Variants in PKNOX2 observed in about 807,000 individuals in gnomAD.
The protein encoded by PKNOX2 is PBX/knotted 1 homeobox 2, also known as homeobox protein PKNOX2.
In PKNOX2, 14 loss-of-function variants were observed where a neutral mutation model predicts 53.1. The ratio of observed to expected loss-of-function variants is 0.26; its 90% confidence interval spans 0.17 to 0.41. PKNOX2 has a LOEUF of 0.41. PKNOX2 is among the 10% of genes least tolerant of loss of function. The probability of loss-of-function intolerance (pLI) is 1.00; values close to 1 mark genes in which losing one functional copy is unlikely to be tolerated. For missense variants in PKNOX2, 496 were observed against 602.8 expected (o/e 0.82, Z 1.85); for synonymous variants, 257 against 242.8 (o/e 1.06, Z -0.54).
At chr11:125,210,660 G>T (rs969065794) in intron 1 of PKNOX2, among the ~76,000 whole-genome samples, 1 of 152,028 alleles carries the variant, frequency 6.6e-6, no homozygotes, top group African/African-American at 2.4e-5. Flanking sequence ...GGGACTGAGG[G>T]GTTTCCTGGA....
intron 10 of PKNOX2, among the ~76,000 whole-genome samples, chr11:125,415,234 C>CTTTTTTT (rs35920181): frequency 3.9e-5 from 3 of 77,586 alleles, no homozygotes; most frequent in African/African-American, 4.6e-5. Context: ...TAAAGTTTAG[C>CTTTTTTT]TTTTTTTTTT....
At chr11:125,381,593 C>G (rs554976884) in intron 5 of PKNOX2, among the ~76,000 whole-genome samples, 1 of 152,008 alleles carries the variant, frequency 6.6e-6, no homozygotes, top group African/African-American at 2.4e-5. Context: ...GAAGACAGAC[C>G]CTGGCTGTGG....
chr11:125,299,426 A>G (rs993120070), intron 2 of PKNOX2, among the ~76,000 whole-genome samples: 1 of 151,426 alleles, frequency 6.6e-6, no homozygotes, highest in Non-Finnish European at 1.5e-5. Context: ...AGCCAGCTAC[A>G]TGAGCCTCTC....
intron 7 of PKNOX2, among the ~76,000 whole-genome samples, chr11:125,401,554 C>G (rs78355082): frequency 6.6e-6 from 1 of 152,158 alleles, no homozygotes; most frequent in Non-Finnish European, 1.5e-5. Flanking sequence ...GGCCATCCCT[C>G]GGCCCACTTG....
In PKNOX2 at chr11:125,303,767, T is replaced by C. The variant is rs1250910757; in HGVS notation, c.-129-28052T>C. On this transcript the variant is annotated intron_variant, in intron 2 of 12. Coordinates refer to ENST00000298282, the MANE Select transcript of PKNOX2 (RefSeq NM_001382323.2). ...GAGGGACAGGCACTAGAAAGTGACA[T>C]AAAAAAAGAGGGCACTCCCCCTTAC... Among the ~76,000 whole-genome samples the C allele has an allele frequency of 2.0e-5, 3 of 151,800 alleles. No homozygotes were observed. The East Asian group carries it at 5.8e-4, about 29-fold the overall frequency.
intron 1 of PKNOX2, among the ~76,000 whole-genome samples, chr11:125,199,955 T>G (rs556406983): frequency 2.0e-5 from 3 of 152,260 alleles, no homozygotes; most frequent in African/African-American, 7.2e-5. Context: ...GAATGAACCC[T>G]GGTCTTGCAG....
rs1357394261 is a variant in PKNOX2, at chr11:125,314,751, G to A, written c.-129-17068G>A. Among the ~76,000 whole-genome samples the A allele has an allele frequency of 4.6e-5, 7 of 152,102 alleles. No homozygotes were observed. In the South Asian group the frequency reaches 6.2e-4, roughly 14 times the overall value. On this transcript the variant is annotated intron_variant, in intron 2 of 12. Transcript: ENST00000298282. ...CCCTGCCCTGCCCTGCCCTGCCCCC[G>A]AGAGGACAAAAAACCTGGCAGAGAT...
intron 2 of PKNOX2, among the ~76,000 whole-genome samples, chr11:125,286,139 A>G (rs996382832): frequency 6.6e-6 from 1 of 152,224 alleles, no homozygotes; most frequent in African/African-American, 2.4e-5. Context: ...CACTCCGTTC[A>G]TGACGGAGGT....
intron 6 of PKNOX2, among the ~76,000 whole-genome samples, chr11:125,387,769 A>G (rs1399029095): frequency 2.6e-5 from 4 of 151,632 alleles, no homozygotes; most frequent in Non-Finnish European, 5.9e-5. Context: ...ACTTGGGTGC[A>G]CCTGATTTAT....
intron 3 of PKNOX2, among the ~76,000 whole-genome samples, chr11:125,344,677 T>C (rs190753861): frequency 5.3e-4 from 81 of 152,288 alleles, no homozygotes; most frequent in Middle Eastern, 3.4e-3. Context: ...GAGCTATGGG[T>C]GGCCAAAGCG....
intron 11 of PKNOX2, 46 bp downstream of exon 11, chr11:125,429,134 C>A: frequency 2.6e-6 from 4 of 1,524,218 alleles, no homozygotes; most frequent in Non-Finnish European, 2.7e-6. Context: ...CCAGGGGCCA[C>A]CTTCTGGGCA....
chr11:125,198,683 A>G lies in PKNOX2; in HGVS notation c.-201+33907A>G, dbSNP rs187257797. ...AGACAATCGGTGGTCCCAACACTATAGATCTGATCTATGGGCCCCTCAGAC... is the reference window on the plus strand; with the variant it reads ...AGACAATCGGTGGTCCCAACACTATGGATCTGATCTATGGGCCCCTCAGAC... On this transcript the variant is annotated intron_variant, in intron 1 of 12. Transcript: ENST00000298282. 3.3e-5 allele frequency among the ~76,000 whole-genome samples: 5 copies of G among 152,032 alleles called. 1 individual carries two copies. The highest frequency in any genetic ancestry group is 3.3e-4 in the Admixed American group (5 of 15,284).
chr11:125,388,058 C>T (rs986196967), intron 6 of PKNOX2, among the ~76,000 whole-genome samples: 3 of 152,012 alleles, frequency 2.0e-5, no homozygotes, highest in Admixed American at 2.0e-4. Flanking sequence ...TCAAGGTGCT[C>T]CAGTTCCTCA....
At chr11:125,257,228 A>T (rs1944471800) in intron 2 of PKNOX2, among the ~76,000 whole-genome samples, 1 of 152,238 alleles carries the variant, frequency 6.6e-6, no homozygotes, top group Admixed American at 6.5e-5. Flanking sequence ...TCAGCACTAG[A>T]GGAATCCCTG....
chr11:125,309,002 T>C (rs1303361748), intron 2 of PKNOX2, among the ~76,000 whole-genome samples: 2 of 152,214 alleles, frequency 1.3e-5, no homozygotes, highest in Non-Finnish European at 2.9e-5. Context: ...ATGCACTCCA[T>C]ATTACCAATG....
chr11:125,424,506 T>G (rs1264096307), intron 10 of PKNOX2, among the ~76,000 whole-genome samples: 1 of 151,678 alleles, frequency 6.6e-6, no homozygotes, highest in East Asian at 1.9e-4. Context: ...CACCCCAGAG[T>G]GGTGGCTGGC....
rs1202183048 is a variant in PKNOX2 at position 125,183,078 on chromosome 11, C to G, written c.-201+18302C>G. The stretch of plus-strand genomic sequence containing the variant: ...TGGTAACTCATTCGAAGCTCCACTG[C>G]TGATCAGCACCCAGGCTTTCCCAGC... On this transcript the variant is annotated intron_variant, in intron 1 of 12. Transcript: ENST00000298282. Among the ~76,000 whole-genome samples the G allele has an allele frequency of 7.2e-5, 11 of 152,248 alleles. No homozygotes were observed. In the East Asian group the frequency reaches 1.7e-3, roughly 24 times the overall value.
At position 125,430,035 on chromosome 11, in the gene PKNOX2, C is replaced by T. The variant is rs777319119; in HGVS notation, c.1086C>T (p.Ala362=). The T allele has an allele frequency of 9.3e-6, 15 of 1,614,096 alleles. No individual in the cohort carries two copies. In the Admixed American group the frequency reaches 2.3e-4, roughly 25 times the overall value. ...GCAACCCAGATCCTGCCCCCAAAGC[C>T]AAGAAGATCAAGTCTCAGCACCGGC... is the stretch of plus-strand genomic sequence containing the variant. The part of the protein sequence containing the change: ...DASNPDPAPK[A]KKIKSQHRPT... Residue 362 remains alanine (A), a synonymous_variant, in exon 12 of 13, where the codon GCC becomes GCT. Coordinates refer to ENST00000298282, the MANE Select transcript of PKNOX2 (RefSeq NM_001382323.2).
chr11:125,199,793 G>C (rs1938219540), intron 1 of PKNOX2, among the ~76,000 whole-genome samples: 1 of 152,214 alleles, frequency 6.6e-6, no homozygotes, highest in Non-Finnish European at 1.5e-5. Flanking sequence ...GTTGCGGTGA[G>C]CCGAGATTGC....
Sources: gnomAD v4.1 joint callset for allele counts (sites outside exome capture counted in the v4.1 genomes callset) on GRCh38, gnomAD v4.1.1 for gene constraint, MANE v1.5 for transcripts, NCBI Gene and HGNC (gene_info 2026-07-23, HGNC 2026-07-21) for gene names.